The following STX18 variants were observed in gnomAD, a reference collection of about 807,000 sequenced individuals.
STX18 encodes syntaxin 18, also known as syntaxin-18.
STX18 carries 40 observed loss-of-function variants against 50.1 expected under a neutral mutation model. The ratio of observed to expected loss-of-function variants is 0.80; its 90% CI spans 0.62 to 1.04. The LOEUF (loss-of-function observed/expected upper bound fraction) is 1.04. Ranked by LOEUF, STX18 falls within the 50% of genes least tolerant of loss-of-function variation. The probability of loss-of-function intolerance (pLI) is 0.00; values close to 1 mark genes in which losing one functional copy is unlikely to be tolerated. For missense variants in STX18, 410 were observed against 415.8 expected (o/e 0.99, Z 0.12); for synonymous variants, 158 against 151.8 (o/e 1.04, Z -0.30).
intron 1 of STX18, among the ~76,000 whole-genome samples, chr4:4,541,484 T>C (rs1159082393): frequency 1.3e-5 from 2 of 152,186 alleles, no homozygotes; most frequent in Non-Finnish European, 2.9e-5. Context: ...AAGTCTGTAG[T>C]GACGGCGAAC....
chr4:4,423,328 A>G (rs928091920), intron 9 of STX18, among the ~76,000 whole-genome samples, 190 bp downstream of exon 9: 3 of 152,218 alleles, frequency 2.0e-5, no homozygotes, highest in African/African-American at 7.2e-5. Flanking sequence ...CCTCCATCAC[A>G]CGTGTGCAGA....
intron 5 of STX18, among the ~76,000 whole-genome samples, chr4:4,446,061 G>A (rs893109529): frequency 1.3e-5 from 2 of 152,006 alleles, no homozygotes; most frequent in Non-Finnish European, 2.9e-5. Context: ...ACGATGCCAG[G>A]TCAATTCAAT....
chr4:4,516,031 C>A (rs1180589205), intron 1 of STX18, among the ~76,000 whole-genome samples: 3 of 151,478 alleles, frequency 2.0e-5, no homozygotes, highest in Non-Finnish European at 4.4e-5. Context: ...ACTATCAAAC[C>A]AAACAAAAAA....
intron 1 of STX18, among the ~76,000 whole-genome samples, chr4:4,504,920 T>C (rs889871570): frequency 1.3e-5 from 2 of 152,230 alleles, no homozygotes; most frequent in Admixed American, 6.5e-5. Flanking sequence ...AGTAGCCTTA[T>C]TGAGCCCTAA....
intron 2 of STX18, among the ~76,000 whole-genome samples, chr4:4,467,585 C>T (rs920169883): frequency 2.0e-5 from 3 of 152,164 alleles, no homozygotes; most frequent in South Asian, 2.1e-4. Context: ...GTTATGCCAT[C>T]GCTATGCTTT....
intron 2 of STX18, chr4:4,461,926 G>C (rs747583202): frequency 1.5e-5 from 7 of 455,992 alleles, no homozygotes; most frequent in Non-Finnish European, 3.1e-5. Flanking sequence ...CAGAGGTTCC[G>C]CTCTGTTCCT....
intron 1 of STX18, among the ~76,000 whole-genome samples, chr4:4,509,586 C>T (rs1729902969): frequency 6.6e-6 from 1 of 151,950 alleles, no homozygotes; most frequent in Non-Finnish European, 1.5e-5. Context: ...TGGTTACAAT[C>T]CAGCCATATT....
At chr4:4,438,226 A>G (rs1725894076) in intron 6 of STX18, among the ~76,000 whole-genome samples, 168 bp downstream of exon 6, 1 of 152,252 alleles carries the variant, frequency 6.6e-6, no homozygotes, top group Admixed American at 6.5e-5. Context: ...GCACTCACGA[A>G]GATCAACTGT....
intron 1 of STX18, among the ~76,000 whole-genome samples, chr4:4,506,297 G>C (rs1202313790): frequency 6.6e-6 from 1 of 152,208 alleles, no homozygotes; most frequent in Non-Finnish European, 1.5e-5. Flanking sequence ...CAACACAAAT[G>C]TCCTTCAACA....
intron 9 of STX18, among the ~76,000 whole-genome samples, chr4:4,422,186 C>A (rs969110519): frequency 1.3e-5 from 2 of 152,120 alleles, no homozygotes; most frequent in Non-Finnish European, 2.9e-5. Context: ...GTGACCACTG[C>A]CAAGGTTCCA....
At chr4:4,425,924 G>C (rs1305791802) in intron 7 of STX18, 1 of 152,504 alleles carries the variant, frequency 6.6e-6, no homozygotes, top group African/African-American at 2.4e-5. Context: ...GGAAGCTCCT[G>C]AAACTCAGCA....
At chr4:4,524,953 GAAGAA>G (rs372581078) in intron 1 of STX18, among the ~76,000 whole-genome samples, 41 of 152,082 alleles carry the variant, frequency 2.7e-4, no homozygotes, top group Middle Eastern at 3.4e-3. Flanking sequence ...GATAGGATAC[GAAGAA>G]AAGAAAAGAA....
At chr4:4,487,931 A>T (rs1243556275) in intron 1 of STX18, among the ~76,000 whole-genome samples, 1 of 152,198 alleles carries the variant, frequency 6.6e-6, no homozygotes, top group Non-Finnish European at 1.5e-5. Flanking sequence ...TCAACAAACG[A>T]AGAGGTGATA....
At chr4:4,433,927 C>A (rs777783165) in intron 7 of STX18, among the ~76,000 whole-genome samples, 5 of 152,204 alleles carry the variant, frequency 3.3e-5, no homozygotes, top group Admixed American at 6.5e-5. Flanking sequence ...GGACTCTGGG[C>A]AAGACCCTTT....
rs546552868 is a variant in STX18, at chr4:4,541,978, C to A, written c.-14G>T. 4 of 1,593,166 alleles carry A rather than the reference C, an allele frequency of 2.5e-6. No individual in the cohort carries two copies. The highest frequency in any genetic ancestry group is 1.7e-5 in the Admixed American group (1 of 58,434). On this transcript the variant is annotated 5_prime_UTR_variant, in exon 1 of 11. The change creates a new upstream start codon in the 5' untranslated region. Transcript: ENST00000306200. The stretch of plus-strand genomic sequence containing the variant: ...GTCCACCGCCATAGCGACCCGCACC[C>A]TCAGCCCCACACTAGGCCCGCCCAC...
At chr4:4,476,441 A>C (rs1728179018) in intron 1 of STX18, among the ~76,000 whole-genome samples, 1 of 152,360 alleles carries the variant, frequency 6.6e-6, no homozygotes, top group East Asian at 1.9e-4. Flanking sequence ...AGACTGACTG[A>C]GCTGGAACTA....
At chr4:4,433,534 T>TTA (rs71638559) in intron 7 of STX18, among the ~76,000 whole-genome samples, 6 of 111,074 alleles carry the variant, frequency 5.4e-5, no homozygotes, top group African/African-American at 1.9e-4. Context: ...AAAAATAAAT[T>TTA]AAAAAAAAAA....
intron 2 of STX18, among the ~76,000 whole-genome samples, chr4:4,470,743 T>C (rs1259897008): frequency 1.3e-5 from 2 of 152,144 alleles, no homozygotes; most frequent in Non-Finnish European, 2.9e-5. Flanking sequence ...AGCATAGGCC[T>C]GGGCCCTGCA....
chr4:4,519,348 T>A (rs73796040), intron 1 of STX18, among the ~76,000 whole-genome samples: 2,377 of 152,294 alleles, frequency 0.016, 64 homozygotes, highest in African/African-American at 0.054. Context: ...TAACTTCATC[T>A]GTAGCTCAAG....
Sources: gnomAD v4.1 joint callset for allele counts (sites outside exome capture counted in the v4.1 genomes callset) on GRCh38, gnomAD v4.1.1 for gene constraint, MANE v1.5 for transcripts, NCBI Gene and HGNC (gene_info 2026-07-23, HGNC 2026-07-21) for gene names.